The following UNC5D variants were observed in gnomAD, a reference collection of about 807,000 sequenced individuals.
UNC5D encodes unc-5 netrin receptor D, also known as netrin receptor UNC5D.
A neutral mutation model predicts 105.4 loss-of-function variants in UNC5D; 39 were observed. The observed-to-expected ratio is 0.37, with a 90% CI of 0.29 to 0.48. The LOEUF (loss-of-function observed/expected upper bound fraction) is 0.48. Ranked by LOEUF, UNC5D falls within the 20% of genes least tolerant of loss-of-function variation. The probability of loss-of-function intolerance (pLI) is 0.98; values close to 1 mark genes in which losing one functional copy is unlikely to be tolerated. For missense variants in UNC5D, 991 were observed against 1,202.4 expected (o/e 0.82, Z 2.60); for synonymous variants, 452 against 450.4 (o/e 1.00, Z -0.04).
chr8:35,505,107 A>T (rs1390543456), intron 1 of UNC5D, among the ~76,000 whole-genome samples: 1 of 152,234 alleles, frequency 6.6e-6, no homozygotes, highest in Non-Finnish European at 1.5e-5. Flanking sequence ...ATTATTATAC[A>T]TCACATGCCT....
chr8:35,666,770 A>G (rs2131257741), intron 4 of UNC5D, among the ~76,000 whole-genome samples: 1 of 152,234 alleles, frequency 6.6e-6, no homozygotes, highest in East Asian at 1.9e-4. Flanking sequence ...TGAAATGAAA[A>G]CTCAATTTGG....
intron 1 of UNC5D, among the ~76,000 whole-genome samples, chr8:35,362,539 G>T (rs1801912143): frequency 6.6e-6 from 1 of 152,120 alleles, no homozygotes; most frequent in Admixed American, 6.6e-5. Flanking sequence ...CTGGACCATT[G>T]TGACAATTGA....
At chr8:35,604,172 T>C (rs1206368849) in intron 4 of UNC5D, among the ~76,000 whole-genome samples, 3 of 152,216 alleles carry the variant, frequency 2.0e-5, no homozygotes, top group Non-Finnish European at 4.4e-5. Context: ...GTTTTTGCAG[T>C]GGCTGGTACC....
At chr8:35,666,880 C>T (rs139049664) in intron 4 of UNC5D, among the ~76,000 whole-genome samples, 5 of 152,084 alleles carry the variant, frequency 3.3e-5, no homozygotes, top group African/African-American at 1.2e-4. Context: ...AGAGTTTTGA[C>T]ACAGTGGTTC....
At chr8:35,443,912 TAAGA>T (rs1252405964) in intron 1 of UNC5D, among the ~76,000 whole-genome samples, 1 of 151,966 alleles carries the variant, frequency 6.6e-6, no homozygotes, top group African/African-American at 2.4e-5. Flanking sequence ...TTAAAAGATA[TAAGA>T]AAGGGTCACT....
intron 1 of UNC5D, among the ~76,000 whole-genome samples, chr8:35,282,314 A>G (rs537931086): frequency 3.9e-4 from 60 of 152,298 alleles, no homozygotes; most frequent in African/African-American, 1.4e-3. Context: ...GTTTACTGAT[A>G]AAATTTGGTT....
chr8:35,250,961 G>A (rs147636930), intron 1 of UNC5D, among the ~76,000 whole-genome samples: 1 of 152,162 alleles, frequency 6.6e-6, no homozygotes, highest in Non-Finnish European at 1.5e-5. Context: ...AGGATAATGA[G>A]AGCCATGGAT....
chr8:35,722,047 C>T (rs1008127101), intron 8 of UNC5D, among the ~76,000 whole-genome samples, 163 bp from the exon 9 acceptor site: 10 of 152,214 alleles, frequency 6.6e-5, no homozygotes, highest in African/African-American at 1.4e-4. Context: ...TTTAGAAACA[C>T]GATTACTGTG....
rs546925138 is a variant in UNC5D at position 35,510,323 on chromosome 8, A to C, written c.104-38969A>C. Among the ~76,000 whole-genome samples the C allele has an allele frequency of 8.8e-5, 13 of 148,178 alleles. No homozygotes were observed. The South Asian group carries it at 2.7e-3, about 31-fold the overall frequency. The stretch of plus-strand genomic sequence containing the variant: ...CTTTTTTATATCCAAAAAAAAAAAA[A>C]AAAAAAAAACACTTTGGAGATTCCC... On this transcript the variant is annotated intron_variant, in intron 1 of 16. Coordinates refer to ENST00000404895, the MANE Select transcript of UNC5D (RefSeq NM_080872.4).
chr8:35,636,407 T>C (rs919789793), intron 4 of UNC5D, among the ~76,000 whole-genome samples: 3 of 152,220 alleles, frequency 2.0e-5, no homozygotes, highest in African/African-American at 7.2e-5. Flanking sequence ...CTGTGAATTA[T>C]GGGTGTTTGG....
At chr8:35,561,020 A>C (rs914502984) in intron 2 of UNC5D, among the ~76,000 whole-genome samples, 3 of 152,188 alleles carry the variant, frequency 2.0e-5, no homozygotes, top group South Asian at 4.1e-4. Flanking sequence ...CACAATGTGC[A>C]GTTCTCTTTG....
At chr8:35,768,224 C>T (rs926701404) in intron 15 of UNC5D, among the ~76,000 whole-genome samples, 1 of 151,978 alleles carries the variant, frequency 6.6e-6, no homozygotes, top group South Asian at 2.1e-4. Flanking sequence ...TTCTGAAGAG[C>T]GGATGGCTTT....
intron 4 of UNC5D, among the ~76,000 whole-genome samples, chr8:35,608,712 C>T (rs971225547): frequency 6.6e-6 from 1 of 152,330 alleles, no homozygotes; most frequent in East Asian, 1.9e-4. Flanking sequence ...ATTCCATTAA[C>T]ATAATGTCTC....
intron 4 of UNC5D, among the ~76,000 whole-genome samples, chr8:35,640,180 T>A (rs184669626): frequency 6.6e-6 from 1 of 152,190 alleles, no homozygotes; most frequent in Non-Finnish European, 1.5e-5. Flanking sequence ...CAGTTTCTGC[T>A]TACACTTTAA....
At chr8:35,443,728 A>G (rs1222824312) in intron 1 of UNC5D, among the ~76,000 whole-genome samples, 1 of 152,088 alleles carries the variant, frequency 6.6e-6, no homozygotes, top group Admixed American at 6.6e-5. Flanking sequence ...ATCTTTCCCA[A>G]CTCATTTTAT....
chr8:35,408,379 AT>A (rs764088896), intron 1 of UNC5D, among the ~76,000 whole-genome samples: 2 of 151,726 alleles, frequency 1.3e-5, no homozygotes, highest in East Asian at 3.9e-4. Flanking sequence ...AAACACCCAA[AT>A]TTTAACAATG....
intron 4 of UNC5D, among the ~76,000 whole-genome samples, chr8:35,656,575 CAG>C (rs1237713984): frequency 6.6e-6 from 1 of 152,160 alleles, no homozygotes; most frequent in Non-Finnish European, 1.5e-5. Flanking sequence ...ATTCTCAAAT[CAG>C]AGCATAGAGA....
chr8:35,785,532 A>G (rs1586643568), intron 16 of UNC5D, among the ~76,000 whole-genome samples: 1 of 151,942 alleles, frequency 6.6e-6, no homozygotes, highest in South Asian at 2.1e-4. Flanking sequence ...GCTAATTTTT[A>G]TATTTTTAGA....
At chr8:35,634,171 G>A (rs1317515504) in intron 4 of UNC5D, among the ~76,000 whole-genome samples, 4 of 152,102 alleles carry the variant, frequency 2.6e-5, no homozygotes, top group Non-Finnish European at 5.9e-5. Context: ...TTTGGAAAAC[G>A]GTTTGTAAAC....
Sources: allele counts gnomAD v4.1 joint callset (sites outside exome capture counted in the v4.1 genomes callset), GRCh38; gene constraint gnomAD v4.1.1; transcripts MANE v1.5; gene names NCBI Gene and HGNC (gene_info 2026-07-23, HGNC 2026-07-21).